Variants in COLGALT2 observed in about 807,000 individuals in gnomAD.
COLGALT2 encodes the protein procollagen galactosyltransferase 2.
COLGALT2 carries 49 observed loss-of-function variants against 73.4 expected under a neutral mutation model. The observed-to-expected ratio is 0.67, with a 90% confidence interval of 0.53 to 0.85. The LOEUF is 0.85. Ranked by LOEUF, COLGALT2 falls within the 40% of genes least tolerant of loss-of-function variation. The pLI, the probability that COLGALT2 is intolerant of heterozygous loss-of-function variation, is 0.00. For synonymous variants in COLGALT2, 295 were observed against 307.6 expected, an observed-to-expected ratio of 0.96 and a Z score of 0.43; for missense variants, 722 against 790.2, an observed-to-expected ratio of 0.91 and a Z score of 1.03.
At chr1:183,971,420 A>G (rs1671034110) in intron 4 of COLGALT2, among the ~76,000 whole-genome samples, 1 of 152,186 alleles carries the variant, frequency 6.6e-6, no homozygotes, top group African/African-American at 2.4e-5. Flanking sequence ...TAAGCCTGAA[A>G]GTAAATAAGG....
chr1:183,995,636 G>T (rs1671750525), intron 1 of COLGALT2, among the ~76,000 whole-genome samples: 1 of 151,906 alleles, frequency 6.6e-6, no homozygotes, highest in Non-Finnish European at 1.5e-5. Flanking sequence ...CAGCGGGTGT[G>T]TATTTTTTTT....
Position 183,937,386 on chromosome 1 carries a change from A to G in COLGALT2, c.*1375T>C. The stretch of plus-strand genomic sequence containing the variant: ...GGATGACAGATTGTGGAGTGGGAAG[A>G]AATCGTGTAGTCCAACTCTGCATTT... On this transcript the variant is annotated 3_prime_UTR_variant, in exon 12 of 12. Coordinates refer to ENST00000361927, the MANE Select transcript of COLGALT2 (RefSeq NM_015101.4). The G allele has an allele frequency of 2.0e-6, 2 of 997,664 alleles. No homozygotes were observed. Among genetic ancestry groups the G allele is most frequent in the Non-Finnish European group, 2.4e-6 (2 of 838,324 alleles). The allele number at this position is 997,664 out of a possible 1,614,324, so 61.8% of individuals were successfully genotyped here.
chr1:183,942,004 A>G (rs996782647), intron 10 of COLGALT2, among the ~76,000 whole-genome samples: 3 of 149,748 alleles, frequency 2.0e-5, no homozygotes, highest in Non-Finnish European at 3.0e-5. Context: ...GCTGGAGTGC[A>G]GTGGTGCAAT....
At chr1:183,988,839 C>T (rs990572604) in intron 1 of COLGALT2, among the ~76,000 whole-genome samples, 2 of 152,118 alleles carry the variant, frequency 1.3e-5, no homozygotes, top group African/African-American at 4.8e-5. Context: ...GTTTCATTTA[C>T]CCTGAGTACG....
intron 1 of COLGALT2, among the ~76,000 whole-genome samples, chr1:184,023,512 C>T (rs913508096): frequency 2.0e-5 from 3 of 152,160 alleles, no homozygotes; most frequent in African/African-American, 7.2e-5. Context: ...CAAATGCAGG[C>T]TGCTTTCCTT....
chr1:183,961,440 C>T (rs1362276011), intron 6 of COLGALT2, among the ~76,000 whole-genome samples: 3 of 152,170 alleles, frequency 2.0e-5, no homozygotes, highest in Non-Finnish European at 2.9e-5. Context: ...ACTCTCCCTA[C>T]TTGGGAGTCG....
intron 5 of COLGALT2, among the ~76,000 whole-genome samples, chr1:183,965,105 G>A (rs1269772080): frequency 6.6e-6 from 1 of 152,188 alleles, no homozygotes; most frequent in Non-Finnish European, 1.5e-5. Context: ...AATCTGGCTT[G>A]AATCAAGGCT....
intron 1 of COLGALT2, among the ~76,000 whole-genome samples, chr1:184,014,023 A>G (rs1410408794): frequency 6.6e-6 from 1 of 152,142 alleles, no homozygotes; most frequent in Non-Finnish European, 1.5e-5. Flanking sequence ...TCTGAGATAT[A>G]AGTTAGAGGA....
At position 183,951,065 on chromosome 1, in the gene COLGALT2, G is replaced by A. The variant is rs755463463; in HGVS notation, c.1078C>T (p.Leu360=). The A allele has an allele frequency of 1.2e-6, 2 of 1,613,932 alleles. No individual in the cohort carries two copies. Among genetic ancestry groups the A allele is most frequent in the Non-Finnish European group, 1.7e-6 (2 of 1,179,846 alleles). ...ATCTCCTGTTCATACAGTGTGCGCAGCATCCGGTCCCGCCTGTCCTTTCTG... is the reference window on the plus strand; with the variant it reads ...ATCTCCTGTTCATACAGTGTGCGCAACATCCGGTCCCGCCTGTCCTTTCTG... ...KRRKDRRDRM[L]RTLYEQEIEV... Residue 360 remains leucine, a synonymous_variant, in exon 8 of 12, where the codon CTG becomes TTG. Transcript: ENST00000361927.
intron 1 of COLGALT2, among the ~76,000 whole-genome samples, chr1:184,023,149 T>G (rs1649226359): frequency 6.6e-6 from 1 of 152,202 alleles, no homozygotes; most frequent in Non-Finnish European, 1.5e-5. Flanking sequence ...GAAGACTCCT[T>G]GAAAAAGAAA....
Position 183,954,686 on chromosome 1 carries a change from C to A in COLGALT2, c.1029+76G>T. On this transcript the variant is annotated intron_variant, in intron 7 of 11. Coordinates refer to ENST00000361927, the MANE Select transcript of COLGALT2 (RefSeq NM_015101.4). Reference sequence around the variant, plus strand: ...TCTTGCTGGCTCTCAGATGCAAGCTCAGGCTTGTGTTCCAAAATGAACACA... The same window carrying A: ...TCTTGCTGGCTCTCAGATGCAAGCTAAGGCTTGTGTTCCAAAATGAACACA... The A allele has an allele frequency of 4.2e-6, 5 of 1,183,672 alleles. No homozygotes were observed. In the South Asian group the frequency reaches 6.5e-5, roughly 15 times the overall value. The allele number at this position is 1,183,672 out of a possible 1,614,324, so 73.3% of individuals were successfully genotyped here.
At chr1:184,005,449 C>G (rs915843752) in intron 1 of COLGALT2, among the ~76,000 whole-genome samples, 5 of 152,138 alleles carry the variant, frequency 3.3e-5, no homozygotes, top group African/African-American at 1.2e-4. Flanking sequence ...GTTAGTGGAG[C>G]AAAGGCTTCA....
intron 1 of COLGALT2, among the ~76,000 whole-genome samples, chr1:184,011,556 A>C (rs12083700): frequency 0.19 from 29,270 of 152,132 alleles, 5,044 homozygotes; most frequent in African/African-American, 0.46. Context: ...AAGGAGCCAG[A>C]CAGTAGGTGC....
intron 4 of COLGALT2, among the ~76,000 whole-genome samples, chr1:183,969,930 C>T (rs1025063045): frequency 9.9e-5 from 15 of 152,250 alleles, no homozygotes; most frequent in African/African-American, 1.4e-4. Flanking sequence ...ACAGGGATGA[C>T]GGCACTATCT....
rs193281424 is a variant in COLGALT2 at position 183,991,100 on chromosome 1, C to T, written c.264-12580G>A. On this transcript the variant is annotated intron_variant, in intron 1 of 11. Transcript: ENST00000361927. ...GCTGCCACATAGTCTGGGTTTTCTGCGAAAGGTGTGATTTCTAACATTCCC... is the reference window on the plus strand; with the variant it reads ...GCTGCCACATAGTCTGGGTTTTCTGTGAAAGGTGTGATTTCTAACATTCCC... Among the ~76,000 whole-genome samples the T allele has an allele frequency of 1.9e-3, 282 of 152,206 alleles. 1 individual carries two copies. Among genetic ancestry groups the T allele is most frequent in the African/African-American group, 6.2e-3 (259 of 41,518 alleles).
chr1:184,015,364 C>T (rs1321724720), intron 1 of COLGALT2, among the ~76,000 whole-genome samples: 1 of 152,158 alleles, frequency 6.6e-6, no homozygotes, highest in African/African-American at 2.4e-5. Flanking sequence ...ACCAACGTTG[C>T]CAACCTCATC....
intron 5 of COLGALT2, among the ~76,000 whole-genome samples, chr1:183,966,355 A>G (rs1438799107): frequency 1.3e-5 from 2 of 152,210 alleles, no homozygotes; most frequent in African/African-American, 4.8e-5. Flanking sequence ...TAAACATATT[A>G]AACATTTTCT....
intron 1 of COLGALT2, among the ~76,000 whole-genome samples, chr1:184,030,466 T>C (rs1380121899): frequency 6.6e-6 from 1 of 152,230 alleles, no homozygotes; most frequent in Non-Finnish European, 1.5e-5. Context: ...CAAGCCTTAT[T>C]ATTGTCCTAC....
At chr1:184,010,599 G>T (rs942835831) in intron 1 of COLGALT2, among the ~76,000 whole-genome samples, 4 of 152,122 alleles carry the variant, frequency 2.6e-5, no homozygotes, top group Admixed American at 1.3e-4. Flanking sequence ...CTTCCCTTCT[G>T]TCCTCTCAAA....
Sources: gnomAD v4.1 joint callset for allele counts (sites outside exome capture counted in the v4.1 genomes callset) on GRCh38, gnomAD v4.1.1 for gene constraint, MANE v1.5 for transcripts, NCBI Gene and HGNC (gene_info 2026-07-23, HGNC 2026-07-21) for gene names.